TAX1BP1: variants seen among roughly 807,000 people sequenced by gnomAD.
The protein encoded by TAX1BP1 is Tax1 binding protein 1, also known as tax1-binding protein 1.
Under a neutral mutation model 97.7 loss-of-function variants are expected in TAX1BP1, and 62 were observed. That is an observed-to-expected ratio of 0.63 (90% CI 0.52 to 0.78). The LOEUF is 0.78. Among genes scored for constraint, TAX1BP1 ranks in the 30% least tolerant of loss-of-function variants. The pLI is 0.00. For synonymous variants in TAX1BP1, 340 were observed against 304.2 expected (o/e 1.12, Z -1.23); for missense variants, 867 against 916.1 (o/e 0.95, Z 0.69).
chr7:27,777,395 T>C (rs1018372288), intron 5 of TAX1BP1, among the ~76,000 whole-genome samples: 2 of 152,192 alleles, frequency 1.3e-5, no homozygotes, highest in Non-Finnish European at 2.9e-5. Flanking sequence ...TCCCCACTAC[T>C]GAGGAAAGAC....
intron 5 of TAX1BP1, among the ~76,000 whole-genome samples, chr7:27,781,939 C>T (rs1446950603): frequency 1.3e-5 from 2 of 151,880 alleles, no homozygotes; most frequent in African/African-American, 4.8e-5. Flanking sequence ...GGCTCTCGTA[C>T]ACCTGACCTC....
intron 8 of TAX1BP1, among the ~76,000 whole-genome samples, chr7:27,789,432 CATAG>C (rs1789614228): frequency 6.6e-6 from 1 of 151,712 alleles, no homozygotes; most frequent in Admixed American, 6.6e-5. Flanking sequence ...TACCTATGCC[CATAG>C]ATAAACATTT....
chr7:27,742,193 A>C (rs1385501649), intron 1 of TAX1BP1, among the ~76,000 whole-genome samples: 1 of 152,174 alleles, frequency 6.6e-6, no homozygotes, highest in Non-Finnish European at 1.5e-5. Context: ...TCCTCAGCAC[A>C]GACCCTTTAC....
At chr7:27,816,542 T>G (rs1429337255) in intron 14 of TAX1BP1, 22 bp downstream of exon 14, 46 of 1,508,012 alleles carry the variant, frequency 3.1e-5, no homozygotes, top group Non-Finnish European at 4.0e-5. Flanking sequence ...ATTTTTGGTT[T>G]GGGATTAGCT....
At chr7:27,773,197 T>C (rs1279423584) in intron 5 of TAX1BP1, among the ~76,000 whole-genome samples, 1 of 152,094 alleles carries the variant, frequency 6.6e-6, no homozygotes, top group African/African-American at 2.4e-5. Context: ...AGGCTAGCAG[T>C]ATGGCTCCAG....
intron 8 of TAX1BP1, among the ~76,000 whole-genome samples, chr7:27,787,888 C>A (rs1789548089): frequency 6.6e-6 from 1 of 152,020 alleles, no homozygotes; most frequent in South Asian, 2.1e-4. Flanking sequence ...TGAACAAGTG[C>A]ATTCTTCTTC....
At chr7:27,786,784 T>C (rs976080294) in intron 7 of TAX1BP1, among the ~76,000 whole-genome samples, 9 of 152,222 alleles carry the variant, frequency 5.9e-5, no homozygotes, top group Admixed American at 5.2e-4. Context: ...AATTCATTTC[T>C]CCTCAGTACT....
At chr7:27,792,335 T>C (rs1789750550) in intron 9 of TAX1BP1, 105 bp downstream of exon 9, 1 of 1,064,072 alleles carries the variant, frequency 9.4e-7, no homozygotes, top group Non-Finnish European at 1.3e-6. Flanking sequence ...TTCTGCCTTA[T>C]TTTAAATTTA....
At chr7:27,756,438 T>C (rs1788218809) in intron 2 of TAX1BP1, among the ~76,000 whole-genome samples, 1 of 152,140 alleles carries the variant, frequency 6.6e-6, no homozygotes, top group African/African-American at 2.4e-5. Flanking sequence ...CCCCAACTTC[T>C]TGGTAGGCTC....
chr7:27,816,803 C>A, intron 14 of TAX1BP1, 87 bp from the exon 15 acceptor site: 1 of 1,495,572 alleles, frequency 6.7e-7, no homozygotes, highest in Non-Finnish European at 9.1e-7. Context: ...CAAAGTGGTT[C>A]TTTATATCCT....
At chr7:27,752,497 G>T (rs943824869) in intron 2 of TAX1BP1, among the ~76,000 whole-genome samples, 10 of 152,150 alleles carry the variant, frequency 6.6e-5, no homozygotes, top group Admixed American at 5.2e-4. Context: ...GAAAAGGGTG[G>T]GAATGGGAAG....
chr7:27,815,138 T>A (rs1457388655), intron 13 of TAX1BP1, among the ~76,000 whole-genome samples: 1 of 152,182 alleles, frequency 6.6e-6, no homozygotes, highest in Non-Finnish European at 1.5e-5. Context: ...CTACCTTAAT[T>A]TTGCCTTGAT....
At chr7:27,740,385 TC>T (rs926388873) in intron 1 of TAX1BP1, 116 bp downstream of exon 1, 1 of 152,450 alleles carries the variant, frequency 6.6e-6, no homozygotes, top group African/African-American at 2.4e-5. Context: ...CTGGCCGGTC[TC>T]GGGAGAGGTC....
chr7:27,806,361 C>A (rs1301149891), intron 13 of TAX1BP1, among the ~76,000 whole-genome samples: 1 of 151,764 alleles, frequency 6.6e-6, no homozygotes, highest in Non-Finnish European at 1.5e-5. Flanking sequence ...GCTGGGATTA[C>A]AGGTGTGAGC....
intron 3 of TAX1BP1, among the ~76,000 whole-genome samples, chr7:27,762,695 T>C (rs939936601): frequency 6.6e-6 from 1 of 152,230 alleles, no homozygotes; most frequent in Non-Finnish European, 1.5e-5. Flanking sequence ...ACACTTCTAA[T>C]GTTAACATTT....
intron 5 of TAX1BP1, among the ~76,000 whole-genome samples, chr7:27,784,698 A>G (rs1435633781): frequency 6.6e-6 from 1 of 152,114 alleles, no homozygotes; most frequent in African/African-American, 2.4e-5. Flanking sequence ...GTGGGGGGAA[A>G]ATGTATATAA....
At chr7:27,807,532 T>G (rs144525740) in intron 13 of TAX1BP1, among the ~76,000 whole-genome samples, 1,806 of 152,262 alleles carry the variant, frequency 0.012, 34 homozygotes, top group African/African-American at 0.039. Context: ...ACGATGAAAC[T>G]TAGGTTATGA....
chr7:27,797,999 C>G (rs1051486053), intron 12 of TAX1BP1, among the ~76,000 whole-genome samples: 1 of 152,048 alleles, frequency 6.6e-6, no homozygotes, highest in Non-Finnish European at 1.5e-5. Flanking sequence ...TACCTGTTTG[C>G]AACACATCCC....
intron 3 of TAX1BP1, among the ~76,000 whole-genome samples, chr7:27,760,371 ATT>A (rs1788376881): frequency 6.6e-6 from 1 of 151,178 alleles, no homozygotes; most frequent in African/African-American, 2.4e-5. Context: ...TGGGATAAAC[ATT>A]TCTAGTATTA....
Sources: gnomAD v4.1 joint callset for allele counts (sites outside exome capture counted in the v4.1 genomes callset) on GRCh38, gnomAD v4.1.1 for gene constraint, MANE v1.5 for transcripts, NCBI Gene and HGNC (gene_info 2026-07-23, HGNC 2026-07-21) for gene names.